Variants in NKAIN3 observed in about 807,000 individuals in gnomAD.
The protein encoded by NKAIN3 is sodium/potassium-transporting ATPase subunit beta-1-interacting protein 3.
In NKAIN3, 25 loss-of-function variants were observed where a neutral mutation model predicts 30.2. The observed-to-expected ratio is 0.83, with a 90% CI of 0.60 to 1.16. NKAIN3 has a LOEUF of 1.16. Ranked by LOEUF, NKAIN3 falls within the 50% of genes most tolerant of loss-of-function variation. The pLI is 0.00. For missense variants in NKAIN3, 225 were observed against 254.1 expected, an observed-to-expected ratio of 0.89 and a Z score of 0.78; for synonymous variants, 91 against 89.6, an observed-to-expected ratio of 1.02 and a Z score of -0.09.
At chr8:62,267,083 G>A (rs1382286812) in intron 1 of NKAIN3, among the ~76,000 whole-genome samples, 1 of 152,180 alleles carries the variant, frequency 6.6e-6, no homozygotes, top group Non-Finnish European at 1.5e-5. Flanking sequence ...CATCTGCCCT[G>A]CATCACATCC....
chr8:62,644,675 G>A lies in NKAIN3; in HGVS notation c.273+54881G>A, dbSNP rs901935955. The stretch of plus-strand genomic sequence containing the variant: ...TGTGACTAAAAGGTTAAGTAGTGGC[G>A]GCTTATTGATTATAAATATTGACTG... On this transcript the variant is annotated intron_variant, in intron 3 of 6. Coordinates refer to ENST00000623646, the MANE Select transcript of NKAIN3 (RefSeq NM_001304533.3). 5.3e-5 allele frequency among the ~76,000 whole-genome samples: 8 copies of A among 152,076 alleles called. No homozygotes were observed. In the East Asian group the frequency reaches 7.7e-4, roughly 15 times the overall value.
At chr8:62,902,667 G>A (rs1821648193) in intron 4 of NKAIN3, among the ~76,000 whole-genome samples, 1 of 152,150 alleles carries the variant, frequency 6.6e-6, no homozygotes, top group African/African-American at 2.4e-5. Context: ...TTACATTTTG[G>A]ATTGTAAACG....
chr8:62,311,417 A>T (rs551542881), intron 1 of NKAIN3, among the ~76,000 whole-genome samples: 170 of 150,472 alleles, frequency 1.1e-3, no homozygotes, highest in Non-Finnish European at 2.2e-3. Context: ...ATGGTCCAGA[A>T]ACTGGGGCCT....
chr8:62,593,160 A>T (rs937956528), intron 3 of NKAIN3, among the ~76,000 whole-genome samples: 1 of 152,038 alleles, frequency 6.6e-6, no homozygotes, highest in Non-Finnish European at 1.5e-5. Flanking sequence ...GTGCATATGA[A>T]CAATGACCAA....
At chr8:62,838,067 C>G (rs1239104027) in intron 4 of NKAIN3, among the ~76,000 whole-genome samples, 2 of 151,426 alleles carry the variant, frequency 1.3e-5, no homozygotes, top group Non-Finnish European at 2.9e-5. Flanking sequence ...TACTTAAGTC[C>G]TAGGACGTAG....
intron 3 of NKAIN3, among the ~76,000 whole-genome samples, chr8:62,702,559 G>A (rs1387805972): frequency 1.3e-5 from 2 of 152,112 alleles, no homozygotes; most frequent in Non-Finnish European, 2.9e-5. Context: ...GTATTACCAA[G>A]GGTAAATACC....
At chr8:62,917,611 G>A (rs1041700890) in intron 4 of NKAIN3, among the ~76,000 whole-genome samples, 32 of 152,210 alleles carry the variant, frequency 2.1e-4, no homozygotes, top group Non-Finnish European at 3.7e-4. Flanking sequence ...TCTTTTCCCG[G>A]TATTATTTTA....
At chr8:62,582,576 A>G (rs1425431157) in intron 2 of NKAIN3, among the ~76,000 whole-genome samples, 1 of 152,084 alleles carries the variant, frequency 6.6e-6, no homozygotes, top group Admixed American at 6.5e-5. Flanking sequence ...TGTGAGAGTG[A>G]GTCCACAAGG....
At chr8:62,880,750 C>T (rs1446809677) in intron 4 of NKAIN3, among the ~76,000 whole-genome samples, 1 of 152,150 alleles carries the variant, frequency 6.6e-6, no homozygotes, top group Non-Finnish European at 1.5e-5. Context: ...ATTCCTATTC[C>T]ACATAACTTT....
At chr8:62,674,992 C>T (rs1031646716) in intron 3 of NKAIN3, among the ~76,000 whole-genome samples, 2 of 152,152 alleles carry the variant, frequency 1.3e-5, no homozygotes, top group African/African-American at 2.4e-5. Context: ...CCACATGAAG[C>T]GTCTGCACAG....
At chr8:62,629,617 C>T (rs975642849) in intron 3 of NKAIN3, among the ~76,000 whole-genome samples, 2 of 152,122 alleles carry the variant, frequency 1.3e-5, no homozygotes, top group African/African-American at 2.4e-5. Context: ...CATGCAAAGA[C>T]ATGCATAGAA....
In NKAIN3 at chr8:62,973,400, G is replaced by A. The variant is rs1342123431; in HGVS notation, c.*7993G>A. ...TGGTATCTCATTGTCGTTTTGATTT[G>A]CATTTCTCTAATGACCAGTGATGAT... is the stretch of plus-strand genomic sequence containing the variant. On this transcript the variant is annotated 3_prime_UTR_variant, in exon 7 of 7. Transcript: ENST00000623646. 6.6e-6 allele frequency among the ~76,000 whole-genome samples: 1 copy of A among 151,882 alleles called. No homozygotes were observed. The highest frequency in any genetic ancestry group is 1.5e-5 in the Non-Finnish European group (1 of 67,982).
chr8:62,700,787 A>G (rs1331435206), intron 3 of NKAIN3, among the ~76,000 whole-genome samples: 7 of 152,242 alleles, frequency 4.6e-5, no homozygotes, highest in African/African-American at 1.4e-4. Flanking sequence ...TTCAACAAAC[A>G]TAGTTTGAAG....
intron 5 of NKAIN3, among the ~76,000 whole-genome samples, chr8:62,932,245 A>C (rs1369855672): frequency 6.6e-6 from 1 of 152,234 alleles, no homozygotes; most frequent in Non-Finnish European, 1.5e-5. Context: ...AATTATTGGG[A>C]GACTTCTGTG....
rs111667745 is a variant in NKAIN3, at chr8:62,402,594, G to C, written c.54+153467G>C. 3.4e-3 allele frequency among the ~76,000 whole-genome samples: 523 copies of C among 152,266 alleles called. 1 individual carries two copies. The highest frequency in any genetic ancestry group is 0.012 in the African/African-American group (486 of 41,556). On this transcript the variant is annotated intron_variant, in intron 1 of 6. Coordinates refer to ENST00000623646, the MANE Select transcript of NKAIN3 (RefSeq NM_001304533.3). ...GGTTTTATAAGAGGCTTTTCCCTTT[G>C]AACTTGGATCTCATTCTTCTCCGTC...
intron 5 of NKAIN3, among the ~76,000 whole-genome samples, chr8:62,991,795 C>T (rs986398925): frequency 6.6e-6 from 1 of 152,136 alleles, no homozygotes; most frequent in Non-Finnish European, 1.5e-5. Context: ...CCTGTTAATG[C>T]AATACTTTTA....
chr8:62,738,543 G>A (rs1815751109), intron 3 of NKAIN3, among the ~76,000 whole-genome samples: 2 of 148,602 alleles, frequency 1.3e-5, no homozygotes, highest in Admixed American at 1.4e-4. Context: ...AGGTTGCAGT[G>A]AGCCCAGTTC....
At chr8:62,558,344 T>C (rs963272316) in intron 1 of NKAIN3, among the ~76,000 whole-genome samples, 1 of 152,190 alleles carries the variant, frequency 6.6e-6, no homozygotes, top group East Asian at 1.9e-4. Flanking sequence ...GGTAATGTGA[T>C]GCCTCCAGAT....
At chr8:62,993,000 C>T (rs2130934793) in intron 5 of NKAIN3, among the ~76,000 whole-genome samples, 1 of 152,200 alleles carries the variant, frequency 6.6e-6, no homozygotes, top group South Asian at 2.1e-4. Context: ...CAGTCTCATT[C>T]TGTGTTCTGG....
Sources: gnomAD v4.1 joint callset for allele counts (sites outside exome capture counted in the v4.1 genomes callset) on GRCh38, gnomAD v4.1.1 for gene constraint, MANE v1.5 for transcripts, NCBI Gene and HGNC (gene_info 2026-07-23, HGNC 2026-07-21) for gene names.